The following CNTN5 variants were observed in gnomAD, a reference collection of about 807,000 sequenced individuals.
CNTN5 encodes the protein contactin-5.
A neutral mutation model predicts 129.1 loss-of-function variants in CNTN5; 77 were observed. That is an observed-to-expected ratio of 0.60 (90% confidence interval 0.50 to 0.72). The LOEUF (loss-of-function observed/expected upper bound fraction) is 0.72, where lower values mean the gene tolerates loss of function less well. Among genes scored for constraint, CNTN5 ranks in the 30% least tolerant of loss-of-function variants. The probability of loss-of-function intolerance (pLI) is 0.00; values close to 1 mark genes in which losing one functional copy is unlikely to be tolerated. For synonymous variants in CNTN5, 509 were observed against 465.6 expected (o/e 1.09, Z -1.20); for missense variants, 1,478 against 1,328.8 (o/e 1.11, Z -1.75).
At chr11:99,108,274 G>C (rs1041434190) in intron 1 of CNTN5, among the ~76,000 whole-genome samples, 2 of 152,092 alleles carry the variant, frequency 1.3e-5, no homozygotes, top group Non-Finnish European at 2.9e-5. Context: ...GAAATTATAA[G>C]TTGATTTTGA....
intron 1 of CNTN5, among the ~76,000 whole-genome samples, chr11:99,140,282 G>A (rs1397091150): frequency 1.3e-5 from 2 of 151,830 alleles, no homozygotes; most frequent in Non-Finnish European, 2.9e-5. Flanking sequence ...TGTATCTTGG[G>A]GGTTTGGTGT....
chr11:99,652,852 C>T (rs1011172194), intron 3 of CNTN5, among the ~76,000 whole-genome samples: 1 of 151,970 alleles, frequency 6.6e-6, no homozygotes, highest in Admixed American at 6.6e-5. Flanking sequence ...AAAGTCTAAA[C>T]AATCTCTAAC....
At chr11:99,029,156 G>T (rs551371381) in intron 1 of CNTN5, among the ~76,000 whole-genome samples, 3 of 151,422 alleles carry the variant, frequency 2.0e-5, no homozygotes, top group Admixed American at 2.0e-4. Context: ...AAAGGTTTGA[G>T]TCTAGGAAGA....
At chr11:100,074,953 CTATTATTGATATATTGGTAT>C (rs1467336020) in intron 13 of CNTN5, among the ~76,000 whole-genome samples, 1 of 152,100 alleles carries the variant, frequency 6.6e-6, no homozygotes, top group Non-Finnish European at 1.5e-5. Context: ...CCATGTCCTA[CTATTATTGATATATTGGTAT>C]TACAAATGGT....
chr11:99,587,676 G>A (rs140759717), intron 3 of CNTN5, among the ~76,000 whole-genome samples: 159 of 152,264 alleles, frequency 1.0e-3, no homozygotes, highest in African/African-American at 3.7e-3. Flanking sequence ...TTTGCAAGTA[G>A]TATAAAGATT....
intron 13 of CNTN5, among the ~76,000 whole-genome samples, chr11:100,112,724 T>G (rs1001407031): frequency 4.6e-5 from 7 of 152,156 alleles, no homozygotes; most frequent in Non-Finnish European, 1.0e-4. Flanking sequence ...ATTTTGAGAT[T>G]GATAAAATGG....
At chr11:99,844,246 T>C (rs1343187185) in intron 4 of CNTN5, among the ~76,000 whole-genome samples, 1 of 152,224 alleles carries the variant, frequency 6.6e-6, no homozygotes, top group African/African-American at 2.4e-5. Flanking sequence ...TTTAGTTGTA[T>C]AAAGTTTTGC....
chr11:99,103,307 A>G (rs1292150777), intron 1 of CNTN5, among the ~76,000 whole-genome samples: 1 of 152,186 alleles, frequency 6.6e-6, no homozygotes, highest in Non-Finnish European at 1.5e-5. Flanking sequence ...TTTTCTTTGT[A>G]TAATGTATGT....
At chr11:99,859,030 A>C (rs1000362813) in intron 6 of CNTN5, among the ~76,000 whole-genome samples, 9 of 152,174 alleles carry the variant, frequency 5.9e-5, no homozygotes, top group African/African-American at 2.2e-4. Context: ...TGCTCAAAGT[A>C]GCATAGTTAA....
At chr11:100,013,822 A>C (rs1940667879) in intron 9 of CNTN5, among the ~76,000 whole-genome samples, 1 of 152,182 alleles carries the variant, frequency 6.6e-6, no homozygotes, top group Non-Finnish European at 1.5e-5. Flanking sequence ...AACTTGCTTG[A>C]ATATCTTTGT....
intron 3 of CNTN5, among the ~76,000 whole-genome samples, chr11:99,685,913 T>A (rs1298935809): frequency 1.3e-5 from 2 of 152,050 alleles, no homozygotes; most frequent in African/African-American, 2.4e-5. Flanking sequence ...TCTTTTTAAA[T>A]AATAATTACC....
intron 3 of CNTN5, among the ~76,000 whole-genome samples, chr11:99,587,661 G>T (rs1949842999): frequency 6.6e-6 from 1 of 152,128 alleles, no homozygotes; most frequent in African/African-American, 2.4e-5. Context: ...TGAAGATGGG[G>T]GTCATTTGCA....
chr11:100,218,328 TAA>T (rs1463683302), intron 15 of CNTN5, among the ~76,000 whole-genome samples: 1 of 152,164 alleles, frequency 6.6e-6, no homozygotes, highest in Non-Finnish European at 1.5e-5. Flanking sequence ...CAATAAAGCA[TAA>T]AAGAGAAAGT....
intron 2 of CNTN5, among the ~76,000 whole-genome samples, chr11:99,460,844 A>G (rs1944671313): frequency 2.0e-5 from 3 of 152,052 alleles, no homozygotes; most frequent in Admixed American, 1.3e-4. Context: ...AGTAAAATAC[A>G]TATACCTCCC....
At chr11:100,286,002 C>T (rs1950777882) in intron 18 of CNTN5, among the ~76,000 whole-genome samples, 1 of 152,176 alleles carries the variant, frequency 6.6e-6, no homozygotes, top group Non-Finnish European at 1.5e-5. Context: ...GACAGACGCA[C>T]CTGGAAAATC....
In CNTN5 at chr11:99,972,942, G is replaced by A. The variant is rs190727234; in HGVS notation, c.877+15933G>A. Among the ~76,000 whole-genome samples, 110 of 151,980 alleles carry A rather than the reference G, an allele frequency of 7.2e-4. 1 individual carries two copies. The highest frequency in any genetic ancestry group is 2.6e-3 in the Admixed American group (39 of 15,270). On this transcript the variant is annotated intron_variant, in intron 8 of 24. Transcript: ENST00000524871. ...ACAGTAAAATGTACTGAGTGTTTCCGTACATTTCCATGGTGAGAACTAATC... is the reference window on the plus strand; with the variant it reads ...ACAGTAAAATGTACTGAGTGTTTCCATACATTTCCATGGTGAGAACTAATC...
intron 1 of CNTN5, among the ~76,000 whole-genome samples, chr11:99,266,157 T>C (rs1296246523): frequency 6.6e-6 from 1 of 152,112 alleles, no homozygotes; most frequent in Non-Finnish European, 1.5e-5. Context: ...ATGAATTCAA[T>C]TGACCAACAA....
intron 3 of CNTN5, among the ~76,000 whole-genome samples, chr11:99,638,983 T>A (rs1591402063): frequency 6.6e-6 from 1 of 152,198 alleles, no homozygotes; most frequent in Non-Finnish European, 1.5e-5. Context: ...CACATTTCCA[T>A]CTGTACTGCC....
intron 1 of CNTN5, among the ~76,000 whole-genome samples, chr11:99,151,978 C>A (rs1037341766): frequency 6.6e-6 from 1 of 151,942 alleles, no homozygotes. Flanking sequence ...ATGTAACAAA[C>A]CTGCATGTTC....
Sources: gnomAD v4.1 joint callset for allele counts (sites outside exome capture counted in the v4.1 genomes callset) on GRCh38, gnomAD v4.1.1 for gene constraint, MANE v1.5 for transcripts, NCBI Gene and HGNC (gene_info 2026-07-23, HGNC 2026-07-21) for gene names.